Variants in VPS13B observed in about 807,000 individuals in gnomAD.
The protein encoded by VPS13B is intermembrane lipid transfer protein VPS13B.
Under a neutral mutation model 426.4 loss-of-function variants are expected in VPS13B, and 285 were observed. That is an observed-to-expected ratio of 0.67 (90% CI 0.61 to 0.74). The LOEUF (loss-of-function observed/expected upper bound fraction) is 0.74, where lower values mean the gene tolerates loss of function less well. VPS13B is among the 30% of genes least tolerant of loss of function. The pLI, the probability that VPS13B is intolerant of heterozygous loss-of-function variation, is 0.00. For synonymous variants in VPS13B, 1,676 were observed against 1,676.4 expected (o/e 1.00, Z 0.01); for missense variants, 4,537 against 4,782.6 (o/e 0.95, Z 1.51).
chr8:99,076,617 T>A (rs1203115669), intron 3 of VPS13B, among the ~76,000 whole-genome samples: 1 of 151,840 alleles, frequency 6.6e-6, no homozygotes, highest in Non-Finnish European at 1.5e-5. Context: ...TTTGTCTTTT[T>A]TTTTTTTTTT....
intron 55 of VPS13B, among the ~76,000 whole-genome samples, chr8:99,852,089 G>A (rs1000880758): frequency 3.9e-5 from 6 of 152,124 alleles, no homozygotes; most frequent in South Asian, 2.1e-4. Flanking sequence ...ATTGAGTAAT[G>A]GCTAAAAATA....
At chr8:99,501,920 C>A (rs1285612205) in intron 26 of VPS13B, 62 bp downstream of exon 26, 1 of 1,451,448 alleles carries the variant, frequency 6.9e-7, no homozygotes. Context: ...CCCTCCCTCC[C>A]TCCCTCCCTT....
chr8:99,765,971 G>A (rs1056945200), intron 39 of VPS13B, among the ~76,000 whole-genome samples: 1 of 150,284 alleles, frequency 6.7e-6, no homozygotes, highest in Non-Finnish European at 1.5e-5. Flanking sequence ...AAAGAATGAT[G>A]TAGGGACCCA....
chr8:99,809,639 T>C (rs1813596641), intron 44 of VPS13B, 109 bp downstream of exon 44: 1 of 1,300,348 alleles, frequency 7.7e-7, no homozygotes, highest in African/African-American at 1.5e-5. Context: ...CCTAGTTATA[T>C]CTACTACTAC....
intron 33 of VPS13B, among the ~76,000 whole-genome samples, chr8:99,591,543 TGTG>T (rs1160955046): frequency 1.3e-5 from 2 of 152,040 alleles, no homozygotes; most frequent in Admixed American, 6.6e-5. Flanking sequence ...GTCAGGCAGA[TGTG>T]GTGGTGACAA....
At chr8:99,293,056 G>A (rs1819825841) in intron 19 of VPS13B, among the ~76,000 whole-genome samples, 1 of 151,982 alleles carries the variant, frequency 6.6e-6, no homozygotes, top group African/African-American at 2.4e-5. Flanking sequence ...AAGTTCATAT[G>A]GAGCCAAAAA....
intron 2 of VPS13B, among the ~76,000 whole-genome samples, chr8:99,014,429 T>C (rs1024761641): frequency 6.6e-6 from 1 of 152,060 alleles, no homozygotes; most frequent in Non-Finnish European, 1.5e-5. Context: ...GCATAATTTT[T>C]AAAAATAGTT....
chr8:99,308,443 C>T (rs1034997248), intron 19 of VPS13B, among the ~76,000 whole-genome samples: 1 of 151,944 alleles, frequency 6.6e-6, no homozygotes, highest in South Asian at 2.1e-4. Flanking sequence ...GGTTTTTTGT[C>T]CTTGCGATAG....
At chr8:99,786,151 C>T (rs996521851) in intron 43 of VPS13B, among the ~76,000 whole-genome samples, 1 of 152,060 alleles carries the variant, frequency 6.6e-6, no homozygotes, top group Non-Finnish European at 1.5e-5. Context: ...TATAGACATA[C>T]AGTTTCTGGG....
chr8:99,360,327 G>A (rs1588291312), intron 19 of VPS13B, among the ~76,000 whole-genome samples: 1 of 147,158 alleles, frequency 6.8e-6, no homozygotes, highest in Non-Finnish European at 1.5e-5. Flanking sequence ...ACCCAGGATG[G>A]AGTGCAGTGG....
chr8:99,062,682 G>A (rs1844254404), intron 3 of VPS13B, among the ~76,000 whole-genome samples: 1 of 151,894 alleles, frequency 6.6e-6, no homozygotes, highest in South Asian at 2.1e-4. Flanking sequence ...TGGTCAGGCT[G>A]GTCTCGAACT....
intron 35 of VPS13B, among the ~76,000 whole-genome samples, chr8:99,698,334 G>A (rs777010118): frequency 3.9e-5 from 6 of 152,192 alleles, no homozygotes; most frequent in African/African-American, 7.2e-5. Context: ...CTCCCATCTC[G>A]GCTGCCCTGC....
intron 23 of VPS13B, among the ~76,000 whole-genome samples, chr8:99,450,714 A>G (rs1818151648): frequency 6.6e-6 from 1 of 152,176 alleles, no homozygotes; most frequent in Non-Finnish European, 1.5e-5. Context: ...TCTGTCTTAA[A>G]AAGAAAAAAA....
chr8:99,352,971 C>T (rs916708132), intron 19 of VPS13B, among the ~76,000 whole-genome samples: 6 of 151,804 alleles, frequency 4.0e-5, no homozygotes, highest in African/African-American at 1.5e-4. Flanking sequence ...TAAAAACAAA[C>T]AAAAAACTTA....
chr8:99,044,084 CTTTTTTTT>C (rs5893476), intron 3 of VPS13B, among the ~76,000 whole-genome samples: 1 of 98,932 alleles, frequency 1.0e-5, no homozygotes, highest in African/African-American at 4.1e-5. Flanking sequence ...TTCTTTCTTT[CTTTTTTTT>C]TTTTTTTTTT....
chr8:99,569,589 G>C (rs1353651580), intron 31 of VPS13B, among the ~76,000 whole-genome samples: 1 of 152,148 alleles, frequency 6.6e-6, no homozygotes, highest in East Asian at 1.9e-4. Context: ...AGTTTTTGAA[G>C]TGTGATTCTT....
chr8:99,173,822 A>G (rs953359148), intron 16 of VPS13B, among the ~76,000 whole-genome samples: 1 of 152,244 alleles, frequency 6.6e-6, no homozygotes, highest in African/African-American at 2.4e-5. Context: ...TTTCTTGCCT[A>G]AGACCACACA....
intron 7 of VPS13B, among the ~76,000 whole-genome samples, chr8:99,119,830 T>C (rs1459789410): frequency 6.6e-6 from 1 of 152,002 alleles, no homozygotes; most frequent in Non-Finnish European, 1.5e-5. Flanking sequence ...CAATGGAGAG[T>C]AGATATGAGT....
In VPS13B at chr8:99,013,763, C is replaced by A; in HGVS notation, c.-26C>A. The A allele has an allele frequency of 6.2e-7, 1 of 1,613,930 alleles. No homozygotes were observed. Among genetic ancestry groups the A allele is most frequent in the Admixed American group, 1.7e-5 (1 of 60,018 alleles). ...CGTTTCTGTCTACTCCTTTCAGCTTCCGACTTCGACTCCTTACCTTAAAAG... is the reference window on the plus strand; with the variant it reads ...CGTTTCTGTCTACTCCTTTCAGCTTACGACTTCGACTCCTTACCTTAAAAG... On this transcript the variant is annotated 5_prime_UTR_variant, in exon 2 of 62. Coordinates refer to ENST00000357162, the MANE Select transcript of VPS13B (RefSeq NM_152564.5).
Sources: allele counts gnomAD v4.1 joint callset (sites outside exome capture counted in the v4.1 genomes callset), GRCh38; gene constraint gnomAD v4.1.1; transcripts MANE v1.5; gene names NCBI Gene and HGNC (gene_info 2026-07-23, HGNC 2026-07-21).